FBXW11: variants seen among roughly 807,000 people sequenced by gnomAD.
FBXW11 encodes F-box and WD repeat domain containing 11, also known as F-box/WD repeat-containing protein 11.
Under a neutral mutation model 77.6 loss-of-function variants are expected in FBXW11, and 19 were observed. That is an observed-to-expected ratio of 0.24 (90% CI 0.17 to 0.36). The LOEUF (loss-of-function observed/expected upper bound fraction) is 0.36, where lower values mean the gene tolerates loss of function less well. Ranked by LOEUF, FBXW11 falls within the 10% of genes least tolerant of loss-of-function variation. FBXW11 has a pLI of 1.00. For missense variants in FBXW11, 334 were observed against 704.2 expected (o/e 0.47, Z 5.95); for synonymous variants, 235 against 249.4 (o/e 0.94, Z 0.54).
chr5:171,928,332 C>T (rs1761993358), intron 2 of FBXW11, among the ~76,000 whole-genome samples: 1 of 152,156 alleles, frequency 6.6e-6, no homozygotes, highest in African/African-American at 2.4e-5. Flanking sequence ...CCAAAACTAT[C>T]TACAGATTTA....
chr5:171,971,387 CAG>C (rs1328695630), intron 1 of FBXW11, among the ~76,000 whole-genome samples: 2 of 152,220 alleles, frequency 1.3e-5, no homozygotes, highest in Non-Finnish European at 2.9e-5. Flanking sequence ...CTATTACAAG[CAG>C]AGTCTCATCT....
rs1167922880 is a variant in FBXW11 at position 171,876,067 on chromosome 5, A to G, written c.1221+218T>C. Reference sequence around the variant, plus strand: ...AAAAGGTGATCAAGAATTTCATGTCATGAAACAGAAGACTGTTCTCTCTTC... The same window carrying G: ...AAAAGGTGATCAAGAATTTCATGTCGTGAAACAGAAGACTGTTCTCTCTTC... On this transcript the variant is annotated intron_variant, in intron 9 of 13. Transcript: ENST00000517395. The surrounding 1 kb of genome is among the most constrained non-coding windows in gnomAD (Gnocchi z 4.2). 6.6e-6 allele frequency among the ~76,000 whole-genome samples: 1 copy of G among 152,234 alleles called. No homozygotes were observed. The highest frequency in any genetic ancestry group is 1.5e-5 in the Non-Finnish European group (1 of 68,034).
chr5:171,864,788 C>CAA (rs1188155938), intron 13 of FBXW11, among the ~76,000 whole-genome samples: 2 of 151,554 alleles, frequency 1.3e-5, no homozygotes, highest in African/African-American at 4.8e-5. Flanking sequence ...CACACACACA[C>CAA]AAAAAAACAA....
chr5:171,923,698 T>C (rs1761719134), intron 2 of FBXW11, among the ~76,000 whole-genome samples: 2 of 150,090 alleles, frequency 1.3e-5, no homozygotes, highest in African/African-American at 4.9e-5. Flanking sequence ...GAGCACATAT[T>C]ATATCCTCTA....
At chr5:171,954,964 A>G (rs1361551173) in intron 2 of FBXW11, among the ~76,000 whole-genome samples, 1 of 152,238 alleles carries the variant, frequency 6.6e-6, no homozygotes, top group Non-Finnish European at 1.5e-5. Flanking sequence ...GTAACTTTAC[A>G]GTTATGTAAA....
At chr5:171,987,280 C>T (rs910264549) in intron 1 of FBXW11, among the ~76,000 whole-genome samples, 1 of 152,154 alleles carries the variant, frequency 6.6e-6, no homozygotes, top group African/African-American at 2.4e-5. Context: ...AGCAATACTC[C>T]GGCAATACAC....
intron 2 of FBXW11, among the ~76,000 whole-genome samples, chr5:171,953,776 A>G (rs1471080605): frequency 1.3e-5 from 2 of 152,214 alleles, no homozygotes; most frequent in Non-Finnish European, 2.9e-5. Flanking sequence ...GAACAGGACT[A>G]GAATAGAGGT....
Position 171,882,791 on chromosome 5 carries a change from T to C in FBXW11, c.853-4662A>G, listed in dbSNP as rs567050857. Among the ~76,000 whole-genome samples, 13 of 152,218 alleles carry C rather than the reference T, an allele frequency of 8.5e-5. No homozygotes were observed. The South Asian group carries it at 2.5e-3, about 29-fold the overall frequency. ...TTCTAGCCTTTCTTTTTTTATTGCT[T>C]TTATTTTTTTATTTTTCCATAAGCT... On this transcript the variant is annotated intron_variant, in intron 7 of 13. Coordinates refer to ENST00000517395, the MANE Select transcript of FBXW11 (RefSeq NM_001378974.1).
At chr5:171,920,409 C>A (rs139330220) in intron 2 of FBXW11, among the ~76,000 whole-genome samples, 1 of 127,968 alleles carries the variant, frequency 7.8e-6, no homozygotes, top group Admixed American at 9.0e-5. Flanking sequence ...AATTCCACAC[C>A]GCTATTTAAA....
At chr5:171,888,335 C>T (rs770292251) in intron 7 of FBXW11, among the ~76,000 whole-genome samples, 3 of 152,178 alleles carry the variant, frequency 2.0e-5, no homozygotes, top group African/African-American at 7.2e-5. Context: ...GCTGTATATG[C>T]GCAGAACAGA....
At chr5:171,957,454 G>A (rs1395617876) in intron 2 of FBXW11, 143 bp downstream of exon 2, 2 of 791,214 alleles carry the variant, frequency 2.5e-6, no homozygotes, top group African/African-American at 3.4e-5. Context: ...TCCTCCATGT[G>A]GGGCACCCAG....
chr5:171,869,602 G>A lies in FBXW11; in HGVS notation c.1530+127C>T. ...TCTGGTTTTGGCTAAACAAAATGAA[G>A]ACTGAAATTCTCTGAAGGCATCTTG... On this transcript the variant is annotated intron_variant, in intron 12 of 13. Transcript: ENST00000517395. The surrounding 1 kb of genome is among the most constrained non-coding windows in gnomAD (Gnocchi z 4.1). 1.7e-6 allele frequency: 1 copy of A among 582,966 alleles called. No homozygotes were observed. Among genetic ancestry groups the A allele is most frequent in the Non-Finnish European group, 2.9e-6 (1 of 349,746 alleles). The allele number at this position is 582,966 out of a possible 1,614,324, so 36.1% of individuals were successfully genotyped here.
Position 172,001,920 on chromosome 5 carries a change from G to C in FBXW11, c.45+4538C>G, listed in dbSNP as rs116553345. On this transcript the variant is annotated intron_variant, in intron 1 of 13. Transcript: ENST00000517395. The stretch of plus-strand genomic sequence containing the variant: ...TCCTATCAGTGCTGACAAAGGAAAC[G>C]TGTGAGCAGAATCTGGAGGACCATG... 7.4e-4 allele frequency among the ~76,000 whole-genome samples: 112 copies of C among 152,282 alleles called. 1 individual carries two copies. Among genetic ancestry groups the C allele is most frequent in the African/African-American group, 2.4e-3 (100 of 41,564 alleles).
chr5:171,990,568 T>C (rs1013575288), intron 1 of FBXW11, among the ~76,000 whole-genome samples: 4 of 152,202 alleles, frequency 2.6e-5, no homozygotes, highest in Non-Finnish European at 5.9e-5. Context: ...CTAGAAATCA[T>C]CTACACATGC....
At chr5:171,902,577 T>TC (rs1234747319) in intron 4 of FBXW11, among the ~76,000 whole-genome samples, 1 of 152,080 alleles carries the variant, frequency 6.6e-6, no homozygotes, top group Non-Finnish European at 1.5e-5. Flanking sequence ...AATAGCTAAA[T>TC]CCCCCAAAAA....
chr5:172,000,699 A>G (rs1224130581), intron 1 of FBXW11, among the ~76,000 whole-genome samples: 4 of 152,218 alleles, frequency 2.6e-5, no homozygotes, highest in African/African-American at 9.6e-5. Flanking sequence ...AAGTCCTTTC[A>G]CACACATCTC....
chr5:171,952,054 T>C (rs1459722199), intron 2 of FBXW11, among the ~76,000 whole-genome samples: 1 of 152,120 alleles, frequency 6.6e-6, no homozygotes, highest in Non-Finnish European at 1.5e-5. Context: ...TCCAGAGCCA[T>C]TCTAAGTGAG....
Position 171,869,579 on chromosome 5 carries a change from T to C in FBXW11, c.1530+150A>G. The C allele has an allele frequency of 2.0e-6, 1 of 493,132 alleles. No homozygotes were observed. The highest frequency in any genetic ancestry group is 3.2e-5 in the South Asian group (1 of 30,920). The allele number at this position is 493,132 out of a possible 1,614,324, so 30.5% of individuals were successfully genotyped here. ...AGTAATGTAAACATCAAATATTCTC[T>C]GGTTTTGGCTAAACAAAATGAAGAC... On this transcript the variant is annotated intron_variant, in intron 12 of 13. Transcript: ENST00000517395. The surrounding 1 kb of genome is among the most constrained non-coding windows in gnomAD (Gnocchi z 4.1).
At chr5:171,939,860 T>C (rs777832483) in intron 2 of FBXW11, among the ~76,000 whole-genome samples, 10 of 152,160 alleles carry the variant, frequency 6.6e-5, no homozygotes, top group Non-Finnish European at 1.3e-4. Context: ...CTTCCCGCTA[T>C]GGATATCAAA....
Sources: allele counts gnomAD v4.1 joint callset (sites outside exome capture counted in the v4.1 genomes callset), GRCh38; gene constraint gnomAD v4.1.1; non-coding constraint Gnocchi (gnomAD v3.1); transcripts MANE v1.5; gene names NCBI Gene and HGNC (gene_info 2026-07-23, HGNC 2026-07-21).